The following RIMS1 variants were observed in gnomAD, a reference collection of about 807,000 sequenced individuals.
RIMS1 encodes regulating synaptic membrane exocytosis protein 1.
Under a neutral mutation model 214.1 loss-of-function variants are expected in RIMS1, and 83 were observed. The observed-to-expected ratio is 0.39, with a 90% CI of 0.32 to 0.47. The LOEUF (loss-of-function observed/expected upper bound fraction) is 0.47, where lower values mean the gene tolerates loss of function less well. Ranked by LOEUF, RIMS1 falls within the 20% of genes least tolerant of loss-of-function variation. The probability of loss-of-function intolerance (pLI) is 0.99; values close to 1 mark genes in which losing one functional copy is unlikely to be tolerated. For missense variants in RIMS1, 2,050 were observed against 2,161.8 expected, an observed-to-expected ratio of 0.95 and a Z score of 1.03; for synonymous variants, 793 against 786.8, an observed-to-expected ratio of 1.01 and a Z score of -0.13.
rs751807902 is a variant in RIMS1, at chr6:72,183,018, C to T, written c.1547C>T (p.Pro516Leu). The change falls in exon 6 of 34, where the codon CCG becomes CTG. Residue 516 changes from proline to leucine, a missense_variant. Pro to Leu is a moderately conservative substitution (Grantham distance 98). This residue lies in a region of RIMS1 where 882 missense variants were observed against 828.9 expected (regional missense o/e 1.06). Coordinates refer to ENST00000521978, the MANE Select transcript of RIMS1 (RefSeq NM_014989.7). Reference protein sequence around the residue: ...SESVRPSPPKPHRSKRGGKKR... With the variant: ...SESVRPSPPKLHRSKRGGKKR... ...TCGGTGCGGCCGTCCCCGCCCAAGC[C>T]GCACCGGTCCAAGAGAGGCGGCAAG... 1.4e-5 allele frequency: 23 copies of T among 1,600,482 alleles called. No homozygotes were observed. Among genetic ancestry groups the T allele is most frequent in the Middle Eastern group, 3.3e-4 (2 of 6,060 alleles).
intron 2 of RIMS1, among the ~76,000 whole-genome samples, chr6:72,094,453 C>A (rs1425548249): frequency 6.6e-6 from 1 of 151,938 alleles, no homozygotes; most frequent in Non-Finnish European, 1.5e-5. Context: ...TATAAAATTC[C>A]CGTATGTTTG....
Position 72,137,993 on chromosome 6 carries a change from C to T in RIMS1, c.471+38007C>T, listed in dbSNP as rs190720621. ...CCTCGTGATCCACCCGCCTTGGCCT[C>T]CCCAAGTGCTGAGATTACAGGCGTG... is the stretch of plus-strand genomic sequence containing the variant. On this transcript the variant is annotated intron_variant, in intron 4 of 33. Coordinates refer to ENST00000521978, the MANE Select transcript of RIMS1 (RefSeq NM_014989.7). Among the ~76,000 whole-genome samples the T allele has an allele frequency of 3.3e-3, 500 of 152,182 alleles. 3 individuals carry two copies. The highest frequency in any genetic ancestry group is 0.011 in the African/African-American group (457 of 41,520).
chr6:72,212,982 GGTCCTGTT>G lies in RIMS1; in HGVS notation c.1679-20788_1679-20781del, dbSNP rs2054098345. The G allele has an allele frequency of 2.1e-6, 3 of 1,421,594 alleles. No homozygotes were observed. The Admixed American group carries it at 8.4e-5, about 40-fold the overall frequency. The allele number at this position is 1,421,594 out of a possible 1,614,324, so 88.1% of individuals were successfully genotyped here. On this transcript the variant is annotated intron_variant, in intron 6 of 33. Transcript: ENST00000521978. ...TTTATTTCAGTTTCCATTTTCTGCT[GGTCCTGTT>G]GTTCAATGATATAAGCAGAGTGATG...
At chr6:72,016,172 T>C (rs1812694088) in intron 2 of RIMS1, among the ~76,000 whole-genome samples, 1 of 152,178 alleles carries the variant, frequency 6.6e-6, no homozygotes, top group Non-Finnish European at 1.5e-5. Flanking sequence ...ATGGTGTACA[T>C]AATCTTTTTT....
intron 4 of RIMS1, among the ~76,000 whole-genome samples, chr6:72,126,519 G>A (rs370578231): frequency 6.6e-6 from 1 of 151,794 alleles, no homozygotes; most frequent in African/African-American, 2.4e-5. Flanking sequence ...CACAAACTAT[G>A]CATTCAACAA....
chr6:72,365,793 G>A (rs1431274773), intron 29 of RIMS1: 3 of 152,210 alleles, frequency 2.0e-5, no homozygotes, highest in Non-Finnish European at 4.4e-5. Flanking sequence ...GTGAGGAGGA[G>A]CCACACAGAA....
chr6:71,919,455 T>C (rs564590205), intron 1 of RIMS1, among the ~76,000 whole-genome samples: 2 of 151,882 alleles, frequency 1.3e-5, no homozygotes, highest in Non-Finnish European at 2.9e-5. Context: ...GGTTTTGGCA[T>C]ATTGAAATGC....
chr6:72,208,545 A>C (rs1404629288), intron 6 of RIMS1, among the ~76,000 whole-genome samples: 1 of 152,234 alleles, frequency 6.6e-6, no homozygotes, highest in Non-Finnish European at 1.5e-5. Context: ...AGAGAAATAC[A>C]GTAATGACTA....
At chr6:72,241,019 A>G (rs1054685452) in intron 9 of RIMS1, among the ~76,000 whole-genome samples, 1 of 152,184 alleles carries the variant, frequency 6.6e-6, no homozygotes, top group Non-Finnish European at 1.5e-5. Context: ...TCCATCTCAA[A>G]AAAAAGAATT....
intron 26 of RIMS1, chr6:72,296,026 CAA>C (rs2094040433): frequency 4.6e-6 from 1 of 216,318 alleles, no homozygotes. Flanking sequence ...ATATAATATA[CAA>C]GAGTTATATA....
chr6:72,044,179 A>G (rs909675914), intron 2 of RIMS1, among the ~76,000 whole-genome samples: 2 of 151,756 alleles, frequency 1.3e-5, no homozygotes, highest in African/African-American at 2.4e-5. Flanking sequence ...ATCCAGCTAC[A>G]AAAGAAAACA....
intron 2 of RIMS1, among the ~76,000 whole-genome samples, chr6:71,974,913 T>C (rs1796778763): frequency 6.6e-6 from 1 of 151,990 alleles, no homozygotes; most frequent in Non-Finnish European, 1.5e-5. Flanking sequence ...ACAAGTGAAA[T>C]AGCATTGGGA....
intron 2 of RIMS1, among the ~76,000 whole-genome samples, chr6:72,046,787 A>C (rs569288121): frequency 9.9e-5 from 15 of 152,272 alleles, no homozygotes; most frequent in South Asian, 8.3e-4. Context: ...GATCATATAA[A>C]ATAGATGTCT....
chr6:72,153,353 A>T (rs1439842861), intron 4 of RIMS1, among the ~76,000 whole-genome samples: 8 of 151,820 alleles, frequency 5.3e-5, no homozygotes, highest in Non-Finnish European at 1.2e-4. Flanking sequence ...TTTTTTCAGT[A>T]TAGAGCAAAC....
At chr6:71,976,169 C>T (rs966442075) in intron 2 of RIMS1, among the ~76,000 whole-genome samples, 1 of 151,998 alleles carries the variant, frequency 6.6e-6, no homozygotes. Flanking sequence ...ATTTTACATT[C>T]CTATCAATAA....
chr6:71,907,791 A>T (rs903183448), intron 1 of RIMS1, among the ~76,000 whole-genome samples: 5 of 152,182 alleles, frequency 3.3e-5, no homozygotes, highest in Non-Finnish European at 7.4e-5. Context: ...AGTGCATGGA[A>T]CAAAGACCTG....
chr6:72,193,365 A>G lies in RIMS1; in HGVS notation c.1678+10216A>G, dbSNP rs557010238. Among the ~76,000 whole-genome samples, 4 of 152,328 alleles carry G rather than the reference A, an allele frequency of 2.6e-5. No homozygotes were observed. In the South Asian group the frequency reaches 8.3e-4, roughly 32 times the overall value. On this transcript the variant is annotated intron_variant, in intron 6 of 33. Transcript: ENST00000521978. ...TGATAAAGACAACCTGGTTCCTCTTAACATAAATGATCTCATTCTCAAATA... is the reference window on the plus strand; with the variant it reads ...TGATAAAGACAACCTGGTTCCTCTTGACATAAATGATCTCATTCTCAAATA...
chr6:72,289,421 C>T (rs2092967269), intron 24 of RIMS1, among the ~76,000 whole-genome samples: 1 of 152,032 alleles, frequency 6.6e-6, no homozygotes, highest in African/African-American at 2.4e-5. Flanking sequence ...TATATAGAAC[C>T]CTATGAGTTA....
intron 2 of RIMS1, among the ~76,000 whole-genome samples, chr6:72,025,369 A>G (rs1323714858): frequency 4.6e-5 from 7 of 152,246 alleles, no homozygotes; most frequent in Non-Finnish European, 1.0e-4. Flanking sequence ...ATTTACTCAC[A>G]TAGGTGGAAG....
Sources: allele counts gnomAD v4.1 joint callset (sites outside exome capture counted in the v4.1 genomes callset), GRCh38; gene constraint gnomAD v4.1.1; regional missense constraint gnomAD v4.1.1; transcripts MANE v1.5; gene names NCBI Gene and HGNC (gene_info 2026-07-23, HGNC 2026-07-21).